CPAMD8: variants seen among roughly 807,000 people sequenced by gnomAD.
CPAMD8 encodes the protein C3 and PZP-like alpha-2-macroglobulin domain-containing protein 8.
In CPAMD8, 146 loss-of-function variants were observed where a neutral mutation model predicts 224.7. The ratio of observed to expected loss-of-function variants is 0.65; its 90% CI spans 0.57 to 0.75. CPAMD8 has a LOEUF of 0.75. Ranked by LOEUF, CPAMD8 falls within the 30% of genes least tolerant of loss-of-function variation. The pLI is 0.00. For synonymous variants in CPAMD8, 966 were observed against 1,044.6 expected, an observed-to-expected ratio of 0.92 and a Z score of 1.45; for missense variants, 2,301 against 2,537.5, an observed-to-expected ratio of 0.91 and a Z score of 2.00.
chr19:16,980,856 A>G (rs142956594), intron 13 of CPAMD8, among the ~76,000 whole-genome samples, 170 bp from the exon 14 acceptor site: 1,715 of 152,082 alleles, frequency 0.011, 22 homozygotes, highest in African/African-American at 0.03. Flanking sequence ...CTTTTTTAAG[A>G]TAGTGTTTCA....
chr19:17,007,577 G>C (rs940279066), intron 7 of CPAMD8, among the ~76,000 whole-genome samples: 2 of 152,034 alleles, frequency 1.3e-5, no homozygotes, highest in Non-Finnish European at 2.9e-5. Context: ...GAGACAGAAG[G>C]AGGAAGGGTC....
chr19:16,987,819 G>T lies in CPAMD8; in HGVS notation c.1395+1824C>A, dbSNP rs570264165. Among the ~76,000 whole-genome samples the T allele has an allele frequency of 3.5e-3, 524 of 151,760 alleles. 4 individuals carry two copies. The highest frequency in any genetic ancestry group is 0.011 in the African/African-American group (472 of 41,394). On this transcript the variant is annotated intron_variant, in intron 13 of 41. Transcript: ENST00000443236. ...GCATGCACCACCACATCCGGCTGGG[G>T]TTTTTTTGTTTTTGTTTTTGTTTTG...
chr19:16,917,956 T>C (rs548796864), intron 27 of CPAMD8, among the ~76,000 whole-genome samples: 4 of 152,114 alleles, frequency 2.6e-5, no homozygotes, highest in Non-Finnish European at 5.9e-5. Context: ...GAGTGTGTAG[T>C]AGTTGCATAT....
chr19:16,901,943 T>A (rs905236760), intron 35 of CPAMD8, among the ~76,000 whole-genome samples: 1 of 152,068 alleles, frequency 6.6e-6, no homozygotes, highest in South Asian at 2.1e-4. Context: ...GGGCAGCCGT[T>A]ACCGGGGTAG....
chr19:16,922,546 T>TC (rs2053217182), intron 26 of CPAMD8, among the ~76,000 whole-genome samples: 1 of 144,058 alleles, frequency 6.9e-6, no homozygotes, highest in African/African-American at 2.6e-5. Context: ...TCTGGGGTTC[T>TC]TGAAACTGCC....
chr19:16,906,407 T>TCTCTTTCCTTCC (rs1555755966), intron 30 of CPAMD8, among the ~76,000 whole-genome samples: 15 of 69,892 alleles, frequency 2.1e-4, no homozygotes, highest in African/African-American at 9.7e-4. Context: ...TCTTTCTTTC[T>TCTCTTTCCTTCC]TTCCTTCCTT....
At chr19:16,960,276 T>A (rs1296058088) in intron 18 of CPAMD8, among the ~76,000 whole-genome samples, 2 of 151,648 alleles carry the variant, frequency 1.3e-5, no homozygotes, top group Non-Finnish European at 2.9e-5. Flanking sequence ...CTTTCAACCA[T>A]CAACACCTCT....
intron 13 of CPAMD8, among the ~76,000 whole-genome samples, chr19:16,981,206 A>G (rs1266822631): frequency 6.6e-6 from 1 of 151,894 alleles, no homozygotes; most frequent in Non-Finnish European, 1.5e-5. Flanking sequence ...GCACACACAC[A>G]TAAAATTGGC....
chr19:17,010,260 G>A (rs971282083), intron 5 of CPAMD8, among the ~76,000 whole-genome samples: 13 of 151,760 alleles, frequency 8.6e-5, no homozygotes, highest in Non-Finnish European at 1.3e-4. Context: ...TAGAGACAGG[G>A]TTGTGCTTTG....
chr19:16,985,335 TGAA>T (rs112123481), intron 13 of CPAMD8, among the ~76,000 whole-genome samples: 5 of 85,842 alleles, frequency 5.8e-5, no homozygotes, highest in Non-Finnish European at 1.0e-4. Flanking sequence ...GATGAATGGA[TGAA>T]GGGCGGATGG....
intron 34 of CPAMD8, among the ~76,000 whole-genome samples, chr19:16,903,222 C>T (rs1201697989): frequency 6.6e-6 from 1 of 151,904 alleles, no homozygotes; most frequent in African/African-American, 2.4e-5. Context: ...CCAGTCAGAA[C>T]CCGTGACATG....
At chr19:16,942,685 A>G (rs2053941693) in intron 22 of CPAMD8, among the ~76,000 whole-genome samples, 1 of 152,052 alleles carries the variant, frequency 6.6e-6, no homozygotes, top group African/African-American at 2.4e-5. Context: ...GGCTTCCTCA[A>G]TGATGCCCAT....
chr19:16,943,179 C>A (rs1287398190), intron 22 of CPAMD8, among the ~76,000 whole-genome samples: 1 of 151,672 alleles, frequency 6.6e-6, no homozygotes, highest in African/African-American at 2.4e-5. Context: ...CCACGCCCAG[C>A]TAATTTTTGT....
intron 13 of CPAMD8, among the ~76,000 whole-genome samples, chr19:16,985,342 C>CGGAT (rs145736282): frequency 0.092 from 13,181 of 142,810 alleles, 857 homozygotes; most frequent in African/African-American, 0.18. Context: ...GGATGAAGGG[C>CGGAT]GGATGGATGG....
chr19:16,971,983 G>C (rs1293972156), intron 17 of CPAMD8, among the ~76,000 whole-genome samples: 1 of 152,020 alleles, frequency 6.6e-6, no homozygotes, highest in African/African-American at 2.4e-5. Context: ...GGAGGCGGAG[G>C]TTGCAGTGAG....
intron 27 of CPAMD8, among the ~76,000 whole-genome samples, chr19:16,918,863 G>A (rs147096103): frequency 5.2e-4 from 78 of 150,454 alleles, no homozygotes; most frequent in African/African-American, 1.9e-3. Flanking sequence ...CAAAAAATCT[G>A]AAATGCTCCA....
At chr19:16,918,150 A>C (rs1371543631) in intron 27 of CPAMD8, among the ~76,000 whole-genome samples, 1 of 152,034 alleles carries the variant, frequency 6.6e-6, no homozygotes, top group Non-Finnish European at 1.5e-5. Flanking sequence ...GCCCACCACC[A>C]TGCCCAGCTA....
chr19:16,914,810 G>A lies in CPAMD8; in HGVS notation c.3633C>T (p.Leu1211=), dbSNP rs373860138. Residue 1211 remains leucine (L), a synonymous_variant, in exon 28 of 42, where the codon CTC becomes CTT. Transcript: ENST00000443236. ...GERDASGSMW[L]TAFVLKSFAQ... ...CGAAGGACTTCAGGACAAAGGCTGT[G>A]AGCCTGAAAGAGGACAGGGTGTCAG... is the stretch of plus-strand genomic sequence containing the variant. 5 of 1,605,028 alleles carry A rather than the reference G, an allele frequency of 3.1e-6. No individual in the cohort carries two copies. In the African/African-American group the frequency reaches 6.7e-5, roughly 21 times the overall value.
chr19:16,896,357 C>T (rs771689329), intron 40 of CPAMD8, 31 bp from the exon 41 acceptor site: 2 of 1,567,022 alleles, frequency 1.3e-6, no homozygotes, highest in Non-Finnish European at 1.7e-6. Context: ...GTCGGGAGGG[C>T]GTGGCGGGGA....
Sources: allele counts gnomAD v4.1 joint callset (sites outside exome capture counted in the v4.1 genomes callset), GRCh38; gene constraint gnomAD v4.1.1; transcripts MANE v1.5; gene names NCBI Gene and HGNC (gene_info 2026-07-23, HGNC 2026-07-21).